Variants in MYZAP observed in about 807,000 individuals in gnomAD.
MYZAP encodes GRINL1A complex locus upstream.
MYZAP carries 66 observed loss-of-function variants against 69.4 expected under a neutral mutation model. The observed-to-expected ratio is 0.95, with a 90% CI of 0.78 to 1.17. The LOEUF is 1.17. Ranked by LOEUF, MYZAP falls within the 50% of genes most tolerant of loss-of-function variation. The probability of loss-of-function intolerance (pLI) is 0.00; values close to 1 mark genes in which losing one functional copy is unlikely to be tolerated. For synonymous variants in MYZAP, 256 were observed against 205.9 expected (o/e 1.24, Z -2.09); for missense variants, 611 against 556.2 (o/e 1.10, Z -0.99).
chr15:57,615,780 T>C (rs187855362), intron 2 of MYZAP, among the ~76,000 whole-genome samples: 27 of 152,262 alleles, frequency 1.8e-4, no homozygotes. Flanking sequence ...AATGTAAGGA[T>C]AGCATCAGTG....
intron 5 of MYZAP, among the ~76,000 whole-genome samples, chr15:57,628,587 G>T (rs747839797): frequency 6.6e-6 from 1 of 152,056 alleles, no homozygotes; most frequent in Non-Finnish European, 1.5e-5. Context: ...GCTTCAGTGC[G>T]GCCTGGAGCA....
intron 1 of MYZAP, among the ~76,000 whole-genome samples, chr15:57,593,214 A>ACACACACACACACACACACC (rs1172761785): frequency 0.021 from 2,925 of 141,342 alleles, 45 homozygotes; most frequent in South Asian, 0.025. Flanking sequence ...ACACACACAC[A>ACACACACACACACACACACC]CCCCAGAATC....
At chr15:57,599,746 T>C in intron 1 of MYZAP, 3 of 1,270,652 alleles carry the variant, frequency 2.4e-6, no homozygotes, top group South Asian at 2.5e-5. Context: ...GATTTTCCCA[T>C]GGGGAGATTG....
In MYZAP at chr15:57,593,188, G is replaced by GCATGCGCGCGCGCGCGCGCGCACACACA; in HGVS notation, c.75+1081_75+1082insTGCGCGCGCGCGCGCGCGCACACACACA. Among the ~76,000 whole-genome samples the GCATGCGCGCGCGCGCGCGCGCACACACA allele has an allele frequency of 1.5e-4, 17 of 114,202 alleles. No individual in the cohort carries two copies. In the East Asian group the frequency reaches 1.6e-3, roughly 11 times the overall value. 74.9% of individuals were successfully genotyped at this position (114,202 alleles called of 152,430 possible). ...AGACACTTAGGTTGTGTACACAGGCGCACACACACACACACACACACACAC... is the reference window on the plus strand; with the variant it reads ...AGACACTTAGGTTGTGTACACAGGCGCATGCGCGCGCGCGCGCGCGCACACACACACACACACACACACACACACACAC... On this transcript the variant is annotated intron_variant, in intron 1 of 12. Coordinates refer to ENST00000267853, the MANE Select transcript of MYZAP (RefSeq NM_001018100.5).
chr15:57,665,826 A>G (rs1309702910), intron 11 of MYZAP, among the ~76,000 whole-genome samples: 1 of 152,148 alleles, frequency 6.6e-6, no homozygotes, highest in Non-Finnish European at 1.5e-5. Context: ...TAGGGATTTT[A>G]TTGTCAAAAA....
intron 2 of MYZAP, among the ~76,000 whole-genome samples, chr15:57,614,045 A>T (rs2035279341): frequency 6.6e-6 from 1 of 152,208 alleles, no homozygotes; most frequent in South Asian, 2.1e-4. Flanking sequence ...CTGATATTTT[A>T]TAAAAATGAT....
intron 1 of MYZAP, among the ~76,000 whole-genome samples, chr15:57,592,974 T>G (rs2033781418): frequency 6.6e-6 from 1 of 152,078 alleles, no homozygotes; most frequent in Non-Finnish European, 1.5e-5. Flanking sequence ...GGTGGTTAAG[T>G]CCAAAGCAAA....
chr15:57,656,646 A>G (rs1044764913), intron 10 of MYZAP, among the ~76,000 whole-genome samples: 6 of 152,160 alleles, frequency 3.9e-5, no homozygotes, highest in Non-Finnish European at 7.4e-5. Context: ...GGGGCAGACC[A>G]CTGGGGAGAC....
chr15:57,625,507 T>C (rs1228528701), intron 4 of MYZAP, among the ~76,000 whole-genome samples: 1 of 152,206 alleles, frequency 6.6e-6, no homozygotes, highest in African/African-American at 2.4e-5. Context: ...ACTTCTCTGA[T>C]TGTTTTCTTC....
intron 11 of MYZAP, among the ~76,000 whole-genome samples, chr15:57,669,522 C>G (rs1249430930): frequency 6.6e-6 from 1 of 152,082 alleles, no homozygotes; most frequent in Non-Finnish European, 1.5e-5. Context: ...CTCTCTTTCT[C>G]TTTCTCTTCT....
chr15:57,675,715 G>A (rs1353707984), intron 12 of MYZAP, among the ~76,000 whole-genome samples: 1 of 152,110 alleles, frequency 6.6e-6, no homozygotes, highest in Non-Finnish European at 1.5e-5. Flanking sequence ...TTCCATGCTT[G>A]CGTCTCTTCC....
intron 8 of MYZAP, among the ~76,000 whole-genome samples, chr15:57,633,992 C>T (rs1207981382): frequency 7.9e-5 from 12 of 152,096 alleles, no homozygotes; most frequent in Admixed American, 7.9e-4. Context: ...TTTTAGCAGC[C>T]TTGCTTTGCT....
chr15:57,592,138 G>A lies in MYZAP; in HGVS notation c.75+29G>A, dbSNP rs1345494878. The stretch of plus-strand genomic sequence containing the variant: ...AGTAGCGGGGGCGGGAGCCGCCGCC[G>A]TCCCGTTCCCCCATCCCGGCCGCCC... On this transcript the variant is annotated intron_variant, in intron 1 of 12. Transcript: ENST00000267853. 18 of 1,287,250 alleles carry A rather than the reference G, an allele frequency of 1.4e-5. No individual in the cohort carries two copies. In the South Asian group the frequency reaches 3.1e-4, roughly 22 times the overall value. 79.7% of individuals were successfully genotyped at this position (1,287,250 alleles called of 1,614,324 possible).
chr15:57,676,571 T>C (rs1427424602), intron 12 of MYZAP, among the ~76,000 whole-genome samples: 1 of 151,700 alleles, frequency 6.6e-6, no homozygotes, highest in Non-Finnish European at 1.5e-5. Context: ...TTTTTGAAAT[T>C]TAAATAATTT....
chr15:57,676,839 C>T (rs987067424), intron 12 of MYZAP, among the ~76,000 whole-genome samples: 1 of 152,140 alleles, frequency 6.6e-6, no homozygotes, highest in African/African-American at 2.4e-5. Flanking sequence ...CTGACAGACC[C>T]TTAACTTATG....
intron 12 of MYZAP, among the ~76,000 whole-genome samples, chr15:57,675,415 G>T (rs1009794302): frequency 6.6e-6 from 1 of 152,060 alleles, no homozygotes; most frequent in Non-Finnish European, 1.5e-5. Context: ...AGTGAGATTT[G>T]GTTCCTGCCC....
At chr15:57,603,294 C>G (rs1163208949) in intron 1 of MYZAP, among the ~76,000 whole-genome samples, 2 of 148,302 alleles carry the variant, frequency 1.3e-5, no homozygotes, top group African/African-American at 2.5e-5. Context: ...TAGTCTGTAT[C>G]CAACAAGCAG....
Position 57,637,719 on chromosome 15 carries a change from C to G in MYZAP, c.958C>G (p.Leu320Val), listed in dbSNP as rs2036896156. ...EKERHQLQLQ[L>V]LEHETEMSGE... Reference sequence around the variant, plus strand: ...GGAACGTCATCAACTGCAACTTCAACTCCTAGAACATGAAACAGAAATGTC... The same window carrying G: ...GGAACGTCATCAACTGCAACTTCAAGTCCTAGAACATGAAACAGAAATGTC... Residue 320 changes from leucine (L) to valine (V), a missense_variant, in exon 9 of 13, where the codon CTC (leucine) becomes GTC (valine). Leu to Val is a conservative substitution (Grantham distance 32). Coordinates refer to ENST00000267853, the MANE Select transcript of MYZAP (RefSeq NM_001018100.5). 1 of 1,613,076 alleles carries G rather than the reference C, an allele frequency of 6.2e-7. No homozygotes were observed. Among genetic ancestry groups the G allele is most frequent in the Admixed American group, 1.7e-5 (1 of 59,954 alleles).
At chr15:57,603,712 ATT>A (rs2034561386) in intron 1 of MYZAP, among the ~76,000 whole-genome samples, 1 of 152,114 alleles carries the variant, frequency 6.6e-6, no homozygotes, top group African/African-American at 2.4e-5. Context: ...TATAAATAAT[ATT>A]TTGTTTATCC....
Sources: gnomAD v4.1 joint callset for allele counts (sites outside exome capture counted in the v4.1 genomes callset) on GRCh38, gnomAD v4.1.1 for gene constraint, MANE v1.5 for transcripts, NCBI Gene and HGNC (gene_info 2026-07-23, HGNC 2026-07-21) for gene names.